RDX: variants seen among roughly 807,000 people sequenced by gnomAD.
RDX encodes deafness, autosomal recessive 24.
RDX carries 32 observed loss-of-function variants against 83.7 expected under a neutral mutation model. The observed-to-expected ratio is 0.38, with a 90% CI of 0.29 to 0.51. The LOEUF is 0.51. Among genes scored for constraint, RDX ranks in the 20% least tolerant of loss-of-function variants. The pLI is 0.87. For missense variants in RDX, 600 were observed against 689.9 expected (o/e 0.87, Z 1.46); for synonymous variants, 229 against 222.7 (o/e 1.03, Z -0.25).
At chr11:110,272,441 G>A in intron 3 of RDX, 95 bp downstream of exon 3, 1 of 827,078 alleles carries the variant, frequency 1.2e-6, no homozygotes, top group South Asian at 1.4e-5. Flanking sequence ...TACACTGTTG[G>A]ATTATCAGCA....
At chr11:110,271,790 C>T (rs1184171046) in intron 3 of RDX, among the ~76,000 whole-genome samples, 2 of 152,106 alleles carry the variant, frequency 1.3e-5, no homozygotes, top group African/African-American at 4.8e-5. Context: ...ACATTATGAA[C>T]CTATGACACC....
In RDX at chr11:110,230,565, ATACACACACAGAG is replaced by A. The variant is rs1864585925; in HGVS notation, c.*1291_*1303del. 8.5e-6 allele frequency: 1 copy of A among 117,538 alleles called. No individual in the cohort carries two copies. The highest frequency in any genetic ancestry group is 3.6e-5 in the African/African-American group (1 of 28,106). 7.3% of individuals were successfully genotyped at this position (117,538 alleles called of 1,614,324 possible). A position where few individuals can be genotyped will look rare whatever the true frequency, so the allele number is the denominator to read the frequency against. On this transcript the variant is annotated 3_prime_UTR_variant, in exon 14 of 14. Transcript: ENST00000645495. ...TACAAGGTTAGCATTTCTCTCTCTC[ATACACACACAGAG>A]TACACACACACACACACACACACAC...
chr11:110,251,631 A>G (rs557784062), intron 9 of RDX, among the ~76,000 whole-genome samples: 110 of 152,314 alleles, frequency 7.2e-4, no homozygotes, highest in African/African-American at 2.6e-3. Context: ...CAATTGGTAC[A>G]TAGGTATGTA....
At chr11:110,260,919 CTGTGT>C (rs1565320785) in intron 5 of RDX, among the ~76,000 whole-genome samples, 1 of 151,998 alleles carries the variant, frequency 6.6e-6, no homozygotes, top group Non-Finnish European at 1.5e-5. Flanking sequence ...CTTTTCATTG[CTGTGT>C]TATTTTTTTC....
intron 8 of RDX, 151 bp from the exon 9 acceptor site, chr11:110,254,260 T>A (rs756979449): frequency 1.4e-6 from 1 of 705,236 alleles, no homozygotes. Flanking sequence ...TAACTCCCAG[T>A]GAGCATGACA....
chr11:110,184,865 A>T (rs1198512534), intron 15 of RDX, among the ~76,000 whole-genome samples: 3 of 152,208 alleles, frequency 2.0e-5, no homozygotes, highest in Non-Finnish European at 4.4e-5. Flanking sequence ...TGCAAGCCAG[A>T]TAAAACATAT....
At chr11:110,277,523 T>A (rs533869890) in intron 2 of RDX, among the ~76,000 whole-genome samples, 82 of 152,320 alleles carry the variant, frequency 5.4e-4, no homozygotes, top group Admixed American at 9.2e-4. Flanking sequence ...TTTCACCATG[T>A]TGGCCAGGCT....
intron 14 of RDX, among the ~76,000 whole-genome samples, chr11:110,222,861 AACG>A (rs1296521892): frequency 4.6e-5 from 7 of 152,134 alleles, no homozygotes; most frequent in Non-Finnish European, 1.5e-5. Flanking sequence ...TATCAACAAA[AACG>A]ACTACTTTTA....
intron 3 of RDX, among the ~76,000 whole-genome samples, chr11:110,268,159 T>G (rs1565325377): frequency 1.3e-5 from 2 of 151,656 alleles, no homozygotes; most frequent in Non-Finnish European, 2.9e-5. Context: ...AATACAAAAA[T>G]TAGCCGGGCA....
intron 15 of RDX, among the ~76,000 whole-genome samples, chr11:110,197,727 G>A (rs1705795187): frequency 6.6e-6 from 1 of 152,204 alleles, no homozygotes; most frequent in Non-Finnish European, 1.5e-5. Context: ...TGCACTGGAA[G>A]AAATGGCTAA....
chr11:110,188,974 C>T (rs899024934), intron 15 of RDX, among the ~76,000 whole-genome samples: 22 of 152,090 alleles, frequency 1.4e-4, no homozygotes, highest in African/African-American at 5.1e-4. Flanking sequence ...AATAACTTCA[C>T]GATAGGATCC....
chr11:110,215,338 G>C (rs1183607056), intron 14 of RDX, among the ~76,000 whole-genome samples: 3 of 149,076 alleles, frequency 2.0e-5, no homozygotes, highest in African/African-American at 7.4e-5. Context: ...ACTCCAGCCT[G>C]GGCAACAGAG....
chr11:110,289,013 G>C (rs575271787), intron 1 of RDX, among the ~76,000 whole-genome samples: 2 of 152,052 alleles, frequency 1.3e-5, no homozygotes, highest in South Asian at 2.1e-4. Context: ...CCAGGTGAGC[G>C]GATCACCTGA....
intron 15 of RDX, among the ~76,000 whole-genome samples, chr11:110,182,355 A>T (rs984461277): frequency 1.3e-5 from 2 of 152,200 alleles, no homozygotes; most frequent in African/African-American, 2.4e-5. Context: ...TAATCCCAGC[A>T]CTTTGGGAAA....
intron 14 of RDX, chr11:110,200,478 A>G (rs955540051): frequency 1.3e-5 from 2 of 152,248 alleles, no homozygotes; most frequent in Admixed American, 1.3e-4. Flanking sequence ...ACTGGGGAGA[A>G]TACTGGTTAC....
At position 110,236,203 on chromosome 11, in the gene RDX, AAT is replaced by A; in HGVS notation, c.1252-14_1252-13del. The A allele has an allele frequency of 6.3e-7, 1 of 1,593,128 alleles. No individual in the cohort carries two copies. The highest frequency in any genetic ancestry group is 8.6e-7 in the Non-Finnish European group (1 of 1,161,770). On this transcript the variant is annotated splice_polypyrimidine_tract_variant and intron_variant, in intron 11 of 13. Coordinates refer to ENST00000645495, the MANE Select transcript of RDX (RefSeq NM_002906.4). The stretch of plus-strand genomic sequence containing the variant: ...GCAAGTTCTGCTGCCTAAAGTAAAC[AAT>A]ATAATTCCAAAATTAAAATAACATA...
rs1274386290 is a variant in RDX, at chr11:110,258,000, T to C, written c.552-87A>G. The C allele has an allele frequency of 6.1e-6, 9 of 1,473,436 alleles. No individual in the cohort carries two copies. In the East Asian group the frequency reaches 1.8e-4, roughly 30 times the overall value. The allele number at this position is 1,473,436 out of a possible 1,614,324, so 91.3% of individuals were successfully genotyped here. ...AATACCTGGAATTAAAAATTAGTAC[T>C]TTACATAAGTCAAACAATCTTTTGG... On this transcript the variant is annotated intron_variant, in intron 6 of 13. Transcript: ENST00000645495.
At chr11:110,203,569 A>T (rs1350476610) in intron 14 of RDX, among the ~76,000 whole-genome samples, 1 of 152,050 alleles carries the variant, frequency 6.6e-6, no homozygotes. Context: ...GCTTGAGGGG[A>T]TGGATACCCC....
intron 14 of RDX, among the ~76,000 whole-genome samples, chr11:110,205,431 CA>C (rs35103862): frequency 5.8e-3 from 274 of 47,076 alleles, no homozygotes; most frequent in Middle Eastern, 0.012. Context: ...TTTACCTATC[CA>C]AAAAAAAAAA....
Sources: gnomAD v4.1 joint callset for allele counts (sites outside exome capture counted in the v4.1 genomes callset) on GRCh38, gnomAD v4.1.1 for gene constraint, MANE v1.5 for transcripts, NCBI Gene and HGNC (gene_info 2026-07-23, HGNC 2026-07-21) for gene names.